Variants in GNAO1 observed in about 807,000 individuals in gnomAD.
GNAO1 encodes G protein subunit alpha o1, also known as guanine nucleotide-binding protein G(o) subunit alpha.
For missense variants in GNAO1, 166 were observed against 478.7 expected (o/e 0.35, Z 6.10); for synonymous variants, 164 against 180.7 (o/e 0.91, Z 0.74).
chr16:56,217,381 C>T (rs1260877122), intron 2 of GNAO1, among the ~76,000 whole-genome samples: 1 of 152,208 alleles, frequency 6.6e-6, no homozygotes, highest in Non-Finnish European at 1.5e-5. Flanking sequence ...AGGTATTGTG[C>T]ATATTAAATT....
intron 6 of GNAO1, among the ~76,000 whole-genome samples, chr16:56,348,848 CCT>C: frequency 6.6e-6 from 1 of 152,202 alleles, no homozygotes; most frequent in African/African-American, 2.4e-5. Flanking sequence ...CCTCCAAGGC[CCT>C]CTCCCCATAA....
chr16:56,235,749 G>C (rs754807647), intron 2 of GNAO1, among the ~76,000 whole-genome samples: 6 of 152,206 alleles, frequency 3.9e-5, no homozygotes, highest in Non-Finnish European at 8.8e-5. Flanking sequence ...GGAGCTAAGA[G>C]AGTGGCCCAG....
intron 6 of GNAO1, among the ~76,000 whole-genome samples, chr16:56,341,508 C>T (rs1190320617): frequency 3.3e-5 from 5 of 152,238 alleles, no homozygotes; most frequent in Non-Finnish European, 7.3e-5. Context: ...CAGAGCTTCG[C>T]GTGGTGCCGC....
intron 2 of GNAO1, among the ~76,000 whole-genome samples, chr16:56,215,445 G>C (rs1355311265): frequency 6.6e-6 from 1 of 152,160 alleles, no homozygotes; most frequent in African/African-American, 2.4e-5. Flanking sequence ...ACAATGAAGG[G>C]TACCAGCCTG....
intron 6 of GNAO1, among the ~76,000 whole-genome samples, chr16:56,340,049 C>T (rs749721581): frequency 2.6e-5 from 4 of 152,248 alleles, no homozygotes; most frequent in African/African-American, 9.6e-5. Context: ...GAGCCCGCAC[C>T]GGGCTCTCTG....
chr16:56,303,265 G>T (rs910538949), intron 3 of GNAO1, among the ~76,000 whole-genome samples: 10 of 152,144 alleles, frequency 6.6e-5, no homozygotes, highest in African/African-American at 2.4e-4. Context: ...TGCCCCAGAG[G>T]AATCACAGTC....
At chr16:56,259,502 C>G (rs1364433694) in intron 2 of GNAO1, among the ~76,000 whole-genome samples, 1 of 152,258 alleles carries the variant, frequency 6.6e-6, no homozygotes, top group African/African-American at 2.4e-5. Flanking sequence ...ACAGAAGTGT[C>G]TTGGGACAGT....
intron 6 of GNAO1, chr16:56,344,805 T>C (rs2037846715): frequency 2.0e-6 from 2 of 985,428 alleles, no homozygotes; most frequent in Non-Finnish European, 2.4e-6. Context: ...TGAATAGATA[T>C]GTTTTTCCTT....
chr16:56,219,170 A>C (rs146880046), intron 2 of GNAO1, among the ~76,000 whole-genome samples: 170 of 152,258 alleles, frequency 1.1e-3, no homozygotes, highest in African/African-American at 3.8e-3. Context: ...GCACCCCGGG[A>C]GTGTACTGGT....
At chr16:56,317,698 G>C (rs1370232592) in intron 3 of GNAO1, among the ~76,000 whole-genome samples, 1 of 152,148 alleles carries the variant, frequency 6.6e-6, no homozygotes, top group African/African-American at 2.4e-5. Context: ...TGGGTAGGTG[G>C]TGCAGGATGT....
chr16:56,316,682 G>A (rs2037513437), intron 3 of GNAO1, among the ~76,000 whole-genome samples: 1 of 152,120 alleles, frequency 6.6e-6, no homozygotes. Flanking sequence ...TCCCTGGGGT[G>A]GCCTCCCCAC....
At chr16:56,203,735 G>A (rs1381102042) in intron 2 of GNAO1, among the ~76,000 whole-genome samples, 2 of 152,122 alleles carry the variant, frequency 1.3e-5, no homozygotes, top group African/African-American at 4.8e-5. Flanking sequence ...CCAAGATCAC[G>A]CTGACGAAAA....
At chr16:56,251,725 T>A (rs1468737656) in intron 2 of GNAO1, among the ~76,000 whole-genome samples, 1 of 152,126 alleles carries the variant, frequency 6.6e-6, no homozygotes, top group African/African-American at 2.4e-5. Context: ...AGGATAGAAG[T>A]TAATCTGCTT....
intron 2 of GNAO1, among the ~76,000 whole-genome samples, chr16:56,257,987 G>C (rs1249464734): frequency 6.6e-6 from 1 of 152,174 alleles, no homozygotes; most frequent in Non-Finnish European, 1.5e-5. Flanking sequence ...GTGTCCTTTT[G>C]TGACAATTCT....
chr16:56,244,316 T>C (rs2036721783), intron 2 of GNAO1, among the ~76,000 whole-genome samples: 1 of 151,248 alleles, frequency 6.6e-6, no homozygotes, highest in Non-Finnish European at 1.5e-5. Context: ...GAGGGCCCCA[T>C]CCTGGGGTTC....
Position 56,351,349 on chromosome 16 carries a change from T to G in GNAO1, c.724-35T>G. 7 of 1,551,330 alleles carry G rather than the reference T, an allele frequency of 4.5e-6. No homozygotes were observed. The highest frequency in any genetic ancestry group is 6.2e-6 in the Non-Finnish European group (7 of 1,125,016). Reference sequence around the variant, plus strand: ...CCCTGTCTCTGTGTCTCCCTCCCGCTGTCTGTCCTCTCTCCTCCCTTCCTG... The same window carrying G: ...CCCTGTCTCTGTGTCTCCCTCCCGCGGTCTGTCCTCTCTCCTCCCTTCCTG... On this transcript the variant is annotated intron_variant, in intron 6 of 8. Transcript: ENST00000262493. The surrounding 1 kb of genome is among the most constrained non-coding windows in gnomAD (Gnocchi z 6.1).
intron 1 of GNAO1, 72 bp downstream of exon 1, chr16:56,192,425 C>G (rs1227238093): frequency 1.0e-6 from 1 of 999,122 alleles, no homozygotes; most frequent in African/African-American, 1.7e-5. Context: ...AGCTCCCCCA[C>G]CCCACTCGCG....
chr16:56,209,209 T>C (rs2036361619), intron 2 of GNAO1, among the ~76,000 whole-genome samples: 1 of 152,242 alleles, frequency 6.6e-6, no homozygotes. Flanking sequence ...TGGATACTCA[T>C]TGGTTCCAGC....
rs1210534126 is a variant in GNAO1 at position 56,192,244 on chromosome 16, T to C, written c.9T>C (p.Cys3=). 1.9e-6 allele frequency: 3 copies of C among 1,583,786 alleles called. No homozygotes were observed. Among genetic ancestry groups the C allele is most frequent in the Non-Finnish European group, 2.6e-6 (3 of 1,158,450 alleles). MG[C]TLSAEERAAL... The stretch of plus-strand genomic sequence containing the variant: ...GCAGGGAAGGGGCCACCATGGGATG[T>C]ACTCTGAGCGCAGAGGAGAGAGCCG... Residue 3 remains cysteine (C), a synonymous_variant, in exon 1 of 9, where the codon TGT becomes TGC. Coordinates refer to ENST00000262493, the MANE Select transcript of GNAO1 (RefSeq NM_020988.3).
Sources: allele counts gnomAD v4.1 joint callset (sites outside exome capture counted in the v4.1 genomes callset), GRCh38; gene constraint gnomAD v4.1.1; non-coding constraint Gnocchi (gnomAD v3.1); transcripts MANE v1.5; gene names NCBI Gene and HGNC (gene_info 2026-07-23, HGNC 2026-07-21).